Variants in RGS7 observed in about 807,000 individuals in gnomAD.
RGS7 encodes regulator of G protein signaling 7.
RGS7 carries 27 observed loss-of-function variants against 81.1 expected under a neutral mutation model. The ratio of observed to expected loss-of-function variants is 0.33; its 90% confidence interval spans 0.25 to 0.46. RGS7 has a LOEUF of 0.46. RGS7 is among the 20% of genes least tolerant of loss of function. The probability of loss-of-function intolerance (pLI) is 1.00; values close to 1 mark genes in which losing one functional copy is unlikely to be tolerated. For synonymous variants in RGS7, 208 were observed against 207.7 expected, an observed-to-expected ratio of 1.00 and a Z score of -0.01; for missense variants, 396 against 607.4, an observed-to-expected ratio of 0.65 and a Z score of 3.66.
intron 2 of RGS7, among the ~76,000 whole-genome samples, chr1:241,249,836 T>G (rs1256239815): frequency 6.6e-6 from 1 of 152,136 alleles, no homozygotes; most frequent in Non-Finnish European, 1.5e-5. Flanking sequence ...CCTTATCACT[T>G]GAGAAGATAG....
chr1:240,996,004 A>G (rs1288667049), intron 3 of RGS7, among the ~76,000 whole-genome samples: 1 of 149,588 alleles, frequency 6.7e-6, no homozygotes, highest in East Asian at 1.9e-4. Flanking sequence ...GACATGTTAC[A>G]TTTTATTTTT....
intron 2 of RGS7, among the ~76,000 whole-genome samples, chr1:241,264,753 T>G (rs1370377160): frequency 6.6e-6 from 1 of 152,134 alleles, no homozygotes; most frequent in African/African-American, 2.4e-5. Flanking sequence ...CAGTAAGAGA[T>G]AGAAGGCTAA....
chr1:241,219,893 G>A (rs1171533118), intron 2 of RGS7, among the ~76,000 whole-genome samples: 4 of 152,108 alleles, frequency 2.6e-5, no homozygotes, highest in Admixed American at 2.6e-4. Flanking sequence ...CAGTTGGAAG[G>A]ATCATGCCAA....
intron 9 of RGS7, among the ~76,000 whole-genome samples, chr1:240,858,498 T>A (rs1661568348): frequency 6.6e-6 from 1 of 152,230 alleles, no homozygotes; most frequent in Non-Finnish European, 1.5e-5. Flanking sequence ...ATGTTGAGCA[T>A]CTTTTTGCCC....
In RGS7 at chr1:240,997,318, TA is replaced by T. The variant is rs539818746; in HGVS notation, c.176-14190del. Reference sequence around the variant, plus strand: ...GAATGCATTATTGTGCAGCTCTTTTTAGTTGATGATAAAATTATATTCACAC... The same window carrying T: ...GAATGCATTATTGTGCAGCTCTTTTTGTTGATGATAAAATTATATTCACAC... On this transcript the variant is annotated intron_variant, in intron 3 of 18. Transcript: ENST00000440928. Among the ~76,000 whole-genome samples the T allele has an allele frequency of 2.0e-3, 304 of 152,308 alleles. 1 individual carries two copies. The highest frequency in any genetic ancestry group is 7.0e-3 in the African/African-American group (291 of 41,560).
At chr1:241,138,476 C>T (rs966035060) in intron 2 of RGS7, among the ~76,000 whole-genome samples, 3 of 152,142 alleles carry the variant, frequency 2.0e-5, no homozygotes, top group African/African-American at 7.2e-5. Context: ...AACACGAATG[C>T]CACACAGCAT....
rs1469912678 is a variant in RGS7 at position 241,271,681 on chromosome 1, G to A, written c.78+84018C>T. Among the ~76,000 whole-genome samples, 1 of 152,176 alleles carries A rather than the reference G, an allele frequency of 6.6e-6. No homozygotes were observed. The highest frequency in any genetic ancestry group is 2.4e-5 in the African/African-American group (1 of 41,432). On this transcript the variant is annotated intron_variant, in intron 2 of 18. Transcript: ENST00000440928. The surrounding 1 kb of genome is among the most constrained non-coding windows in gnomAD (Gnocchi z 4.6). ...GTTGAGGGCCTGAACAGAACAGAAAGGTGGAAGAAGTAAGGATTCTCTCTC... is the reference window on the plus strand; with the variant it reads ...GTTGAGGGCCTGAACAGAACAGAAAAGTGGAAGAAGTAAGGATTCTCTCTC...
At chr1:241,330,160 C>T (rs2081883261) in intron 2 of RGS7, among the ~76,000 whole-genome samples, 1 of 152,030 alleles carries the variant, frequency 6.6e-6, no homozygotes, top group South Asian at 2.1e-4. Flanking sequence ...AGGATGGTCT[C>T]GATCTCCTGA....
intron 3 of RGS7, among the ~76,000 whole-genome samples, chr1:241,071,347 G>A (rs919227952): frequency 6.6e-6 from 1 of 152,076 alleles, no homozygotes; most frequent in Non-Finnish European, 1.5e-5. Context: ...GAACTGACCC[G>A]AATAGAAAGC....
At chr1:241,320,582 A>C (rs2081149432) in intron 2 of RGS7, among the ~76,000 whole-genome samples, 1 of 152,240 alleles carries the variant, frequency 6.6e-6, no homozygotes, top group Non-Finnish European at 1.5e-5. Context: ...AAAAGGGTGA[A>C]TGTTATCTAC....
At chr1:241,196,608 C>G (rs1015434429) in intron 2 of RGS7, among the ~76,000 whole-genome samples, 3 of 151,864 alleles carry the variant, frequency 2.0e-5, no homozygotes, top group Non-Finnish European at 4.4e-5. Flanking sequence ...TAAGGTGATA[C>G]AATTTATTGA....
chr1:240,924,191 A>G (rs1430313190), intron 6 of RGS7, among the ~76,000 whole-genome samples: 5 of 152,126 alleles, frequency 3.3e-5, no homozygotes, highest in Non-Finnish European at 1.5e-5. Context: ...TCAGCCTACA[A>G]TTGCTGTGGT....
chr1:240,947,750 C>A (rs945449369), intron 4 of RGS7, among the ~76,000 whole-genome samples: 2 of 152,190 alleles, frequency 1.3e-5, no homozygotes, highest in Middle Eastern at 3.2e-3. Context: ...GATCAAGTCG[C>A]TCCTGTGCAA....
chr1:241,214,672 T>C (rs1373703190), intron 2 of RGS7, among the ~76,000 whole-genome samples: 3 of 152,192 alleles, frequency 2.0e-5, no homozygotes, highest in Admixed American at 1.3e-4. Flanking sequence ...CTCAGATCAT[T>C]GAGAATGTGT....
intron 2 of RGS7, among the ~76,000 whole-genome samples, chr1:241,278,312 AAC>A (rs1219065155): frequency 6.6e-6 from 1 of 152,212 alleles, no homozygotes; most frequent in African/African-American, 2.4e-5. Context: ...CAGTATTTTA[AAC>A]ACAGATATTT....
rs143760022 is a variant in RGS7, at chr1:241,072,964, C to T, written c.175+25702G>A. Among the ~76,000 whole-genome samples the T allele has an allele frequency of 9.2e-3, 1,402 of 152,166 alleles. 31 individuals carry two copies. The highest frequency in any genetic ancestry group is 0.033 in the African/African-American group (1,361 of 41,524). On this transcript the variant is annotated intron_variant, in intron 3 of 18. Coordinates refer to ENST00000440928, the MANE Select transcript of RGS7 (RefSeq NM_001364886.1). ...GGAGGCTGCATGGAGTAGGGGAAGACCCTGGAGATCTAGCTTCCTCTAGAT... is the reference window on the plus strand; with the variant it reads ...GGAGGCTGCATGGAGTAGGGGAAGATCCTGGAGATCTAGCTTCCTCTAGAT...
At chr1:241,082,549 T>A (rs1029063430) in intron 3 of RGS7, among the ~76,000 whole-genome samples, 3 of 152,174 alleles carry the variant, frequency 2.0e-5, no homozygotes, top group African/African-American at 7.2e-5. Flanking sequence ...CTAATTACTG[T>A]GATGGTTACT....
chr1:241,078,761 G>A (rs2062969657), intron 3 of RGS7, among the ~76,000 whole-genome samples: 1 of 152,090 alleles, frequency 6.6e-6, no homozygotes, highest in South Asian at 2.1e-4. Flanking sequence ...GGTAGAGTAT[G>A]AGCACTTAAT....
chr1:241,343,229 T>C (rs1235338597), intron 2 of RGS7, among the ~76,000 whole-genome samples: 2 of 145,464 alleles, frequency 1.4e-5, no homozygotes, highest in Admixed American at 7.1e-5. Flanking sequence ...ACCACTGCAC[T>C]CCAGCCTGGG....
Sources: allele counts gnomAD v4.1 joint callset (sites outside exome capture counted in the v4.1 genomes callset), GRCh38; gene constraint gnomAD v4.1.1; non-coding constraint Gnocchi (gnomAD v3.1); transcripts MANE v1.5; gene names NCBI Gene and HGNC (gene_info 2026-07-23, HGNC 2026-07-21).